SHANK2: variants seen among roughly 807,000 people sequenced by gnomAD.
SHANK2 encodes SH3 and multiple ankyrin repeat domains 2.
A neutral mutation model predicts 133.7 loss-of-function variants in SHANK2; 43 were observed. That is an observed-to-expected ratio of 0.32 (90% CI 0.25 to 0.41). The LOEUF (loss-of-function observed/expected upper bound fraction) is 0.41, where lower values mean the gene tolerates loss of function less well. Among genes scored for constraint, SHANK2 ranks in the 10% least tolerant of loss-of-function variants. The pLI is 1.00. For missense variants in SHANK2, 1,994 were observed against 2,235.8 expected, an observed-to-expected ratio of 0.89 and a Z score of 2.18; for synonymous variants, 1,017 against 952.8, an observed-to-expected ratio of 1.07 and a Z score of -1.24.
At chr11:70,620,612 G>GTTGTTACC (rs1554997375) in intron 17 of SHANK2, among the ~76,000 whole-genome samples, 1 of 150,750 alleles carries the variant, frequency 6.6e-6, no homozygotes, top group Non-Finnish European at 1.5e-5. Context: ...TGTGGAGTCT[G>GTTGTTACC]TTGTTACCGT....
intron 2 of SHANK2, among the ~76,000 whole-genome samples, chr11:71,206,801 C>T (rs116572933): frequency 0.034 from 5,152 of 152,180 alleles, 112 homozygotes; most frequent in Middle Eastern, 0.037. Flanking sequence ...ACTAGATGGA[C>T]ATGGTGGCAC....
At chr11:71,241,766 C>G (rs979780625) in intron 1 of SHANK2, among the ~76,000 whole-genome samples, 1 of 152,206 alleles carries the variant, frequency 6.6e-6, no homozygotes, top group African/African-American at 2.4e-5. Context: ...CCCCTACTTT[C>G]TCCTGAGACC....
At chr11:70,616,811 C>T (rs369813293) in intron 17 of SHANK2, among the ~76,000 whole-genome samples, 3 of 152,296 alleles carry the variant, frequency 2.0e-5, no homozygotes, top group East Asian at 3.9e-4. Flanking sequence ...CTGACCAGTC[C>T]CCAGGCGAGG....
chr11:70,684,021 T>C (rs573282061), intron 15 of SHANK2, among the ~76,000 whole-genome samples: 90 of 152,224 alleles, frequency 5.9e-4, no homozygotes, highest in African/African-American at 2.1e-3. Flanking sequence ...TGGCCTCAAG[T>C]GATCCACCTG....
intron 14 of SHANK2, among the ~76,000 whole-genome samples, chr11:70,796,335 A>G (rs1332538367): frequency 6.6e-6 from 1 of 152,202 alleles, no homozygotes; most frequent in Non-Finnish European, 1.5e-5. Context: ...GGAAGCTCAA[A>G]TGATCCCCCT....
chr11:70,511,775 C>A (rs1329144651), intron 17 of SHANK2, among the ~76,000 whole-genome samples: 1 of 152,208 alleles, frequency 6.6e-6, no homozygotes, highest in African/African-American at 2.4e-5. Flanking sequence ...TGGCAAGAAC[C>A]CAAGCCTATC....
chr11:70,917,836 A>G (rs368295678), intron 10 of SHANK2, among the ~76,000 whole-genome samples: 3 of 152,204 alleles, frequency 2.0e-5, no homozygotes, highest in African/African-American at 7.2e-5. Context: ...GAAAAACAAC[A>G]GACACAGGAG....
chr11:71,124,218 G>A (rs370318205), intron 3 of SHANK2, among the ~76,000 whole-genome samples: 5 of 36,978 alleles, frequency 1.4e-4, no homozygotes, highest in African/African-American at 2.5e-4. Context: ...GATGATGATG[G>A]TGACAATGAT....
intron 3 of SHANK2, among the ~76,000 whole-genome samples, chr11:71,136,061 C>T (rs1382155722): frequency 1.2e-4 from 19 of 152,066 alleles, no homozygotes; most frequent in African/African-American, 3.6e-4. Flanking sequence ...ATTCTGGTTG[C>T]GACGGCTGAA....
chr11:70,664,090 G>A (rs1944634737), intron 15 of SHANK2, among the ~76,000 whole-genome samples: 1 of 152,202 alleles, frequency 6.6e-6, no homozygotes, highest in Admixed American at 6.5e-5. Flanking sequence ...GCCCTAAGGA[G>A]GCTGAGCAGG....
At chr11:70,885,573 G>A (rs913165225) in intron 11 of SHANK2, among the ~76,000 whole-genome samples, 5 of 152,216 alleles carry the variant, frequency 3.3e-5, no homozygotes, top group South Asian at 2.1e-4. Context: ...AAGGGGCTGC[G>A]CAGGAGGCAT....
At chr11:71,122,564 T>C (rs1196270461) in intron 3 of SHANK2, among the ~76,000 whole-genome samples, 2 of 152,154 alleles carry the variant, frequency 1.3e-5, no homozygotes, top group Middle Eastern at 3.4e-3. Context: ...AGTTAATGGG[T>C]ACAGCAAACC....
chr11:70,598,075 G>A (rs1469638559), intron 17 of SHANK2, among the ~76,000 whole-genome samples: 2 of 152,230 alleles, frequency 1.3e-5, no homozygotes, highest in Non-Finnish European at 2.9e-5. Flanking sequence ...ACACTCAGGG[G>A]TGGAGTGGGC....
At chr11:70,821,624 C>T (rs1356339246) in intron 11 of SHANK2, among the ~76,000 whole-genome samples, 1 of 152,208 alleles carries the variant, frequency 6.6e-6, no homozygotes, top group Non-Finnish European at 1.5e-5. Flanking sequence ...GAGGTTTCAC[C>T]ATGTTGGCCA....
At chr11:70,610,809 G>A (rs995366042) in intron 17 of SHANK2, among the ~76,000 whole-genome samples, 3 of 152,160 alleles carry the variant, frequency 2.0e-5, no homozygotes, top group Non-Finnish European at 4.4e-5. Flanking sequence ...GCAGCTCTCA[G>A]AGCCCACAGA....
chr11:70,703,234 C>T (rs782664091), intron 14 of SHANK2, among the ~76,000 whole-genome samples: 2 of 152,168 alleles, frequency 1.3e-5, no homozygotes, highest in Admixed American at 6.5e-5. Context: ...GTCTGGTTTA[C>T]GGGTGAGGAG....
At chr11:70,694,364 ACT>A (rs1189500777) in intron 15 of SHANK2, among the ~76,000 whole-genome samples, 2 of 152,164 alleles carry the variant, frequency 1.3e-5, no homozygotes, top group Non-Finnish European at 1.5e-5. Context: ...CAGCTCTGAG[ACT>A]CTGAGCAGTT....
intron 17 of SHANK2, among the ~76,000 whole-genome samples, chr11:70,598,870 A>T (rs2060436243): frequency 6.6e-6 from 1 of 152,096 alleles, no homozygotes; most frequent in African/African-American, 2.4e-5. Context: ...AATTAAATAA[A>T]AATCTCTTGC....
intron 17 of SHANK2, among the ~76,000 whole-genome samples, chr11:70,591,241 AC>A (rs1287397872): frequency 5.9e-5 from 9 of 152,170 alleles, no homozygotes; most frequent in Non-Finnish European, 1.0e-4. Context: ...GATCCCAGCT[AC>A]TAGGGAGATT....
Sources: gnomAD v4.1 joint callset for allele counts (sites outside exome capture counted in the v4.1 genomes callset) on GRCh38, gnomAD v4.1.1 for gene constraint, MANE v1.5 for transcripts, NCBI Gene and HGNC (gene_info 2026-07-23, HGNC 2026-07-21) for gene names.